MORC4: variants seen among roughly 807,000 people sequenced by gnomAD.
MORC4 encodes MORC family CW-type zinc finger 4.
A neutral mutation model predicts 65.5 loss-of-function variants in MORC4; 22 were observed. The ratio of observed to expected loss-of-function variants is 0.34; its 90% CI spans 0.24 to 0.48. The LOEUF (loss-of-function observed/expected upper bound fraction) is 0.48. Ranked by LOEUF, MORC4 falls within the 20% of genes least tolerant of loss-of-function variation. The probability of loss-of-function intolerance (pLI) is 0.99; values close to 1 mark genes in which losing one functional copy is unlikely to be tolerated. For synonymous variants in MORC4, 267 were observed against 255.8 expected, an observed-to-expected ratio of 1.04 and a Z score of -0.42; for missense variants, 624 against 703.0, an observed-to-expected ratio of 0.89 and a Z score of 1.27.
intron 14 of MORC4, among the ~76,000 whole-genome samples, chrX:106,946,615 G>A (rs1933835262): frequency 8.9e-6 from 1 of 112,190 alleles, no homozygotes; most frequent in Non-Finnish European, 1.9e-5. Flanking sequence ...TTTTTATATA[G>A]ATACGTTTTC....
intron 13 of MORC4, among the ~76,000 whole-genome samples, chrX:106,955,972 C>T (rs778206554): frequency 2.7e-5 from 3 of 111,326 alleles, no homozygotes; most frequent in Non-Finnish European, 5.7e-5. Flanking sequence ...CACCCTTCAG[C>T]GTCCGGAGCT....
chrX:106,973,024 G>A (rs924402653), intron 9 of MORC4, among the ~76,000 whole-genome samples: 2 of 112,431 alleles, frequency 1.8e-5, no homozygotes, highest in African/African-American at 6.5e-5. Context: ...CTACAGTCAG[G>A]AAACAGGCTG....
At chrX:106,973,882 C>T (rs1283688479) in intron 9 of MORC4, among the ~76,000 whole-genome samples, 2 of 111,728 alleles carry the variant, frequency 1.8e-5, no homozygotes. Context: ...CTGCCAACAC[C>T]TCGATTATAG....
chrX:106,981,272 A>T, intron 6 of MORC4, 73 bp downstream of exon 6: 2 of 1,040,452 alleles, frequency 1.9e-6, no homozygotes, highest in Non-Finnish European at 2.6e-6. Flanking sequence ...AACTAAAAGA[A>T]GATCTTGTTC....
chrX:106,952,490 C>T lies in MORC4; in HGVS notation c.1685+2423G>A, dbSNP rs369530942. Among the ~76,000 whole-genome samples, 15 of 112,397 alleles carry T rather than the reference C, an allele frequency of 1.3e-4. No homozygotes were observed. The East Asian group carries it at 1.9e-3, about 15-fold the overall frequency. On this transcript the variant is annotated intron_variant, in intron 14 of 16. Transcript: ENST00000355610. The stretch of plus-strand genomic sequence containing the variant: ...TGTTATTGACCAAGATGTCATTATG[C>T]GGCACGATTATACATGTAGGATGAA...
chrX:106,988,093 T>G (rs1206478465), intron 3 of MORC4, among the ~76,000 whole-genome samples: 1 of 112,068 alleles, frequency 8.9e-6, no homozygotes, highest in Non-Finnish European at 1.9e-5. Flanking sequence ...TAGAAGTCAT[T>G]CTGATAGTTG....
chrX:106,973,263 A>G (rs1160299902), intron 9 of MORC4, among the ~76,000 whole-genome samples: 3 of 111,960 alleles, frequency 2.7e-5, no homozygotes, highest in Non-Finnish European at 5.6e-5. Flanking sequence ...TTAGTATCCT[A>G]TGCTTGTCCC....
At chrX:106,969,114 C>A (rs2147815025) in intron 9 of MORC4, among the ~76,000 whole-genome samples, 1 of 108,700 alleles carries the variant, frequency 9.2e-6, no homozygotes, top group Non-Finnish European at 2.0e-5. Flanking sequence ...TAAAATAAAA[C>A]ACAAAAAACT....
At chrX:106,967,168 A>T (rs1433480229) in intron 9 of MORC4, among the ~76,000 whole-genome samples, 3 of 111,582 alleles carry the variant, frequency 2.7e-5, no homozygotes, top group Non-Finnish European at 5.7e-5. Flanking sequence ...CCAGGCAAAC[A>T]GCGTCTGGAG....
At chrX:106,959,174 ACT>A (rs935839392) in intron 10 of MORC4, among the ~76,000 whole-genome samples, 5 of 111,528 alleles carry the variant, frequency 4.5e-5, no homozygotes, top group Non-Finnish European at 7.5e-5. Flanking sequence ...TTAAGATAAA[ACT>A]CTTCCAGAGT....
chrX:106,997,074 G>A (rs1417755812), intron 2 of MORC4, among the ~76,000 whole-genome samples: 1 of 111,706 alleles, frequency 9.0e-6, no homozygotes, highest in East Asian at 2.8e-4. Flanking sequence ...AAATCCTAGA[G>A]GTATCTAAAA....
At chrX:106,945,620 G>C (rs776439806) in intron 14 of MORC4, among the ~76,000 whole-genome samples, 4 of 110,846 alleles carry the variant, frequency 3.6e-5, no homozygotes, top group African/African-American at 1.3e-4. Context: ...TTTACTTATT[G>C]GTTCTATACT....
chrX:106,942,403 CA>C, intron 15 of MORC4, 111 bp downstream of exon 15: 2 of 880,055 alleles, frequency 2.3e-6, no homozygotes, highest in East Asian at 3.1e-5. Context: ...CAGAATAGTT[CA>C]GGGGCATATT....
At chrX:106,965,790 G>C (rs1934358883) in intron 9 of MORC4, among the ~76,000 whole-genome samples, 2 of 112,200 alleles carry the variant, frequency 1.8e-5, no homozygotes, top group South Asian at 7.4e-4. Context: ...AATTACCTTA[G>C]AGAATACCCA....
intron 3 of MORC4, among the ~76,000 whole-genome samples, chrX:106,988,296 C>T (rs1416624491): frequency 9.0e-6 from 1 of 111,597 alleles, no homozygotes; most frequent in African/African-American, 3.3e-5. Flanking sequence ...ATTACAACTC[C>T]CTTAATTTTT....
rs200299194 is a variant in MORC4, at chrX:106,980,882, T to C, written c.936+9A>G. ...TCAACTTCATGTAGTGGTACACTTG[T>C]AAGGATACTGTGAAGGTAGGTTTAT... On this transcript the variant is annotated intron_variant, in intron 7 of 16. Transcript: ENST00000355610. 1.8e-4 allele frequency: 215 copies of C among 1,201,852 alleles called. 3 individuals carry two copies. The South Asian group carries it at 3.7e-3, about 20-fold the overall frequency.
intron 9 of MORC4, 36 bp from the exon 10 acceptor site, chrX:106,962,146 C>T (rs1486224996): frequency 4.0e-6 from 4 of 1,009,393 alleles, no homozygotes. Flanking sequence ...CAAAGTTTAG[C>T]ACTTGTTGAG....
intron 2 of MORC4, among the ~76,000 whole-genome samples, chrX:106,995,206 C>A (rs1474844308): frequency 1.8e-5 from 2 of 109,820 alleles, no homozygotes; most frequent in African/African-American, 6.6e-5. Context: ...AAGCTTATTG[C>A]AGTAACCTCC....
At chrX:106,955,901 T>C (rs948720361) in intron 13 of MORC4, among the ~76,000 whole-genome samples, 2 of 111,289 alleles carry the variant, frequency 1.8e-5, no homozygotes, top group Non-Finnish European at 1.9e-5. Flanking sequence ...GGGAAAGATA[T>C]ACGGGTGCTA....
Sources: allele counts gnomAD v4.1 joint callset (sites outside exome capture counted in the v4.1 genomes callset), GRCh38; gene constraint gnomAD v4.1.1; transcripts MANE v1.5; gene names NCBI Gene and HGNC (gene_info 2026-07-23, HGNC 2026-07-21).